Variants in VDAC3 observed in about 807,000 individuals in gnomAD.
VDAC3 encodes the protein voltage dependent anion channel 3.
Under a neutral mutation model 33.9 loss-of-function variants are expected in VDAC3, and 7 were observed. That is an observed-to-expected ratio of 0.21 (90% CI 0.12 to 0.39). The LOEUF is 0.39. Ranked by LOEUF, VDAC3 falls within the 10% of genes least tolerant of loss-of-function variation. The probability of loss-of-function intolerance (pLI) is 1.00; values close to 1 mark genes in which losing one functional copy is unlikely to be tolerated. For synonymous variants in VDAC3, 100 were observed against 122.4 expected (o/e 0.82, Z 1.21); for missense variants, 261 against 334.5 (o/e 0.78, Z 1.71).
At chr8:42,400,868 G>A (rs1227827365) in intron 6 of VDAC3, among the ~76,000 whole-genome samples, 2 of 151,618 alleles carry the variant, frequency 1.3e-5, no homozygotes, top group South Asian at 2.1e-4. Flanking sequence ...GTTTTACCAC[G>A]TTGGGCAGGA....
chr8:42,403,516 G>C (rs570059366), intron 8 of VDAC3, 55 bp downstream of exon 8: 1 of 1,492,180 alleles, frequency 6.7e-7, no homozygotes. Flanking sequence ...TAAGTTTTCA[G>C]AGAATGTTGT....
intron 1 of VDAC3, among the ~76,000 whole-genome samples, chr8:42,392,574 G>A (rs1227708124): frequency 6.6e-6 from 1 of 152,172 alleles, no homozygotes. Context: ...AGAGTCATAG[G>A]CCTGAAAAAG....
In VDAC3 at chr8:42,401,796, G is replaced by A. The variant is rs139393002; in HGVS notation, c.332G>A (p.Ser111Asn). 2.5e-6 allele frequency: 4 copies of A among 1,614,012 alleles called. No individual in the cohort carries two copies. The highest frequency in any genetic ancestry group is 2.7e-5 in the African/African-American group (2 of 74,932). The change falls in exon 7 of 10, where the codon AGT (serine) becomes AAT (asparagine). Residue 111 changes from serine to asparagine, a missense_variant. Coordinates refer to ENST00000022615, the MANE Select transcript of VDAC3 (RefSeq NM_005662.7). The part of the protein sequence containing the change: ...TIFVPNTGKK[S>N]GKLKASYKRD... ...TTGTTTGTTTATTGCAGAAAGAAGA[G>A]TGGGAAATTGAAGGCCTCCTATAAA...
chr8:42,404,017 G>A (rs1424736897), intron 8 of VDAC3, among the ~76,000 whole-genome samples: 1 of 152,110 alleles, frequency 6.6e-6, no homozygotes, highest in Non-Finnish European at 1.5e-5. Context: ...AAATTCATGG[G>A]ATTAGATGAC....
intron 1 of VDAC3, among the ~76,000 whole-genome samples, chr8:42,392,715 C>T (rs1824891864): frequency 6.6e-6 from 1 of 152,156 alleles, no homozygotes; most frequent in African/African-American, 2.4e-5. Context: ...AGTCCCTAGA[C>T]GTATATATAG....
At chr8:42,396,958 G>A (rs1802329174) in intron 4 of VDAC3, 1 of 385,688 alleles carries the variant, frequency 2.6e-6, no homozygotes, top group Admixed American at 4.3e-5. Flanking sequence ...TGTGAATCGT[G>A]AGCCTGGAAC....
At chr8:42,397,501 C>G (rs1018362813) in intron 4 of VDAC3, 3 of 152,158 alleles carry the variant, frequency 2.0e-5, no homozygotes, top group Admixed American at 1.3e-4. Flanking sequence ...TTCAGAAATG[C>G]TCCCTAAAAC....
rs373621374 is a variant in VDAC3, at chr8:42,401,992, G to A, written c.528G>A (p.Ala176=). Reference sequence around the variant, plus strand: ...ATTTCGCCCTGGGTTACAAGGCTGCGGACTTCCAGCTGCACACACATGTGT... The same window carrying A: ...ATTTCGCCCTGGGTTACAAGGCTGCAGACTTCCAGCTGCACACACATGTGT... ...QNNFALGYKA[A]DFQLHTHVND... Residue 176 remains alanine (A), a synonymous_variant, in exon 7 of 10, where the codon GCG becomes GCA. Coordinates refer to ENST00000022615, the MANE Select transcript of VDAC3 (RefSeq NM_005662.7). 5.0e-6 allele frequency: 8 copies of A among 1,614,076 alleles called. No individual in the cohort carries two copies. Among genetic ancestry groups the A allele is most frequent in the African/African-American group, 2.7e-5 (2 of 74,920 alleles).
At chr8:42,404,752 C>G in intron 8 of VDAC3, 115 bp from the exon 9 acceptor site, 8 of 535,866 alleles carry the variant, frequency 1.5e-5, no homozygotes, top group Non-Finnish European at 2.4e-5. Flanking sequence ...ATCAGTAATT[C>G]TAGATTGGCC....
chr8:42,401,925 A>G lies in VDAC3; in HGVS notation c.461A>G (p.Gln154Arg), dbSNP rs1304196874. ...LAFEGWLAGY[Q>R]MSFDTAKSKL... ...TTCGAAGGGTGGCTTGCTGGCTATC[A>G]GATGAGTTTTGACACAGCCAAATCC... Residue 154 changes from glutamine (Q) to arginine (R), a missense_variant, in exon 7 of 10, where the codon CAG becomes CGG. Transcript: ENST00000022615. The G allele has an allele frequency of 6.2e-7, 1 of 1,614,156 alleles. No homozygotes were observed. The highest frequency in any genetic ancestry group is 8.5e-7 in the Non-Finnish European group (1 of 1,180,064).
intron 1 of VDAC3, among the ~76,000 whole-genome samples, chr8:42,393,360 G>A (rs1370813868): frequency 1.3e-5 from 2 of 152,162 alleles, no homozygotes; most frequent in Non-Finnish European, 2.9e-5. Flanking sequence ...ACTGCTAGAG[G>A]TGGCTCTGTA....
intron 4 of VDAC3, among the ~76,000 whole-genome samples, chr8:42,395,526 A>C (rs900863230): frequency 3.3e-5 from 5 of 152,276 alleles, no homozygotes; most frequent in African/African-American, 1.2e-4. Flanking sequence ...TAGTCGAAAC[A>C]AAATATGTAA....
At position 42,405,383 on chromosome 8, in the gene VDAC3, CTT is replaced by C. The variant is rs1335872950; in HGVS notation, c.775_776del (p.Leu259IlefsTer21). The stretch of plus-strand genomic sequence containing the variant: ...TTCTTCTTCCTAGGAGTCAAATTGA[CTT>C]TATCAGCTTTAATCGATGGGAAGAA... On this transcript the variant is annotated frameshift_variant, in exon 10 of 10. Transcript: ENST00000022615. LOFTEE classifies it high-confidence loss of function. The C allele has an allele frequency of 6.2e-7, 1 of 1,612,928 alleles. No individual in the cohort carries two copies. Among genetic ancestry groups the C allele is most frequent in the African/African-American group, 1.3e-5 (1 of 74,882 alleles).
At chr8:42,398,165 A>G (rs989749431) in intron 4 of VDAC3, among the ~76,000 whole-genome samples, 2 of 152,222 alleles carry the variant, frequency 1.3e-5, no homozygotes, top group Admixed American at 6.5e-5. Context: ...TTCAGTAAAG[A>G]TACTTCTTTT....
At position 42,405,416 on chromosome 8, in the gene VDAC3, G is replaced by T; in HGVS notation, c.806G>T (p.Ser269Ile). 6.2e-7 allele frequency: 1 copy of T among 1,612,690 alleles called. No homozygotes were observed. The highest frequency in any genetic ancestry group is 8.5e-7 in the Non-Finnish European group (1 of 1,180,022). Residue 269 changes from serine to isoleucine, a missense_variant, in exon 10 of 10, where the codon AGT (serine) becomes ATT (isoleucine). Transcript: ENST00000022615. The part of the protein sequence containing the change: ...LSALIDGKNF[S>I]AGGHKVGLGF... The stretch of plus-strand genomic sequence containing the variant: ...GCTTTAATCGATGGGAAGAACTTCA[G>T]TGCAGGAGGTCACAAGGTTGGCTTG...
In VDAC3 at chr8:42,396,732, T is replaced by G; in HGVS notation, c.117+1599T>G. On this transcript the variant is annotated intron_variant, in intron 4 of 9. Coordinates refer to ENST00000022615, the MANE Select transcript of VDAC3 (RefSeq NM_005662.7). ...CTTGTTTTTATGGCTGCTTTTGGTT[T>G]CTGGTATTGATTTAGGATAAATTTC... The G allele has an allele frequency of 7.4e-6, 5 of 676,884 alleles. No individual in the cohort carries two copies. The South Asian group carries it at 8.1e-5, about 11-fold the overall frequency. The allele number at this position is 676,884 out of a possible 1,614,324, so 41.9% of individuals were successfully genotyped here.
intron 1 of VDAC3, among the ~76,000 whole-genome samples, chr8:42,393,529 G>C (rs1433125603): frequency 6.6e-6 from 1 of 152,170 alleles, no homozygotes; most frequent in African/African-American, 2.4e-5. Context: ...TAGCAAAGCT[G>C]GGCAGATTTT....
Position 42,399,678 on chromosome 8 carries a change from G to C in VDAC3, c.298G>C (p.Asp100His). 1 of 1,611,910 alleles carries C rather than the reference G, an allele frequency of 6.2e-7. No individual in the cohort carries two copies. The highest frequency in any genetic ancestry group is 8.5e-7 in the Non-Finnish European group (1 of 1,178,776). The change falls in exon 6 of 10, where the codon GAT (aspartate) becomes CAT (histidine). Residue 100 changes from aspartate (D) to histidine (H), a missense_variant. Physicochemically the swap from Asp to His is moderately conservative, Grantham distance 81. Coordinates refer to ENST00000022615, the MANE Select transcript of VDAC3 (RefSeq NM_005662.7). ...KLAEGLKLTL[D>H]TIFVPNTGKK... ...GGCTGAAGGGTTGAAACTGACTCTT[G>C]ATACCATATTTGTACCGAACACAGG...
chr8:42,396,793 T>TA, intron 4 of VDAC3: 1 of 634,632 alleles, frequency 1.6e-6, no homozygotes, highest in East Asian at 2.7e-5. Flanking sequence ...TGTGTCTTGA[T>TA]ATTTTTCTCA....
Sources: allele counts gnomAD v4.1 joint callset (sites outside exome capture counted in the v4.1 genomes callset), GRCh38; gene constraint gnomAD v4.1.1; transcripts MANE v1.5; gene names NCBI Gene and HGNC (gene_info 2026-07-23, HGNC 2026-07-21).